Variants in ANKFN1 observed in about 807,000 individuals in gnomAD.
The protein encoded by ANKFN1 is ankyrin repeat and fibronectin type-III domain-containing protein 1.
Under a neutral mutation model 108.7 loss-of-function variants are expected in ANKFN1, and 74 were observed. The observed-to-expected ratio is 0.68, with a 90% CI of 0.56 to 0.83. The LOEUF (loss-of-function observed/expected upper bound fraction) is 0.83. ANKFN1 is among the 40% of genes least tolerant of loss of function. The probability of loss-of-function intolerance (pLI) is 0.00; values close to 1 mark genes in which losing one functional copy is unlikely to be tolerated. For synonymous variants in ANKFN1, 547 were observed against 516.2 expected (o/e 1.06, Z -0.81); for missense variants, 1,505 against 1,382.3 (o/e 1.09, Z -1.41).
intron 8 of ANKFN1, among the ~76,000 whole-genome samples, chr17:56,407,410 G>T (rs143372710): frequency 4.6e-5 from 7 of 152,280 alleles, no homozygotes; most frequent in African/African-American, 1.7e-4. Flanking sequence ...TTTTGTAGAT[G>T]AGGAAATTCA....
At chr17:56,402,175 C>T (rs1379709144) in intron 8 of ANKFN1, among the ~76,000 whole-genome samples, 1 of 151,954 alleles carries the variant, frequency 6.6e-6, no homozygotes, top group Non-Finnish European at 1.5e-5. Context: ...ATGTCCTTTC[C>T]TGGTTTGGGT....
Position 56,350,819 on chromosome 17 carries a change from C to T in ANKFN1, c.242C>T (p.Ser81Leu), listed in dbSNP as rs778713948. The change falls in exon 5 of 21, where the codon TCA (serine) becomes TTA (leucine). Residue 81 changes from serine to leucine, a missense_variant. Transcript: ENST00000682825. Reference protein sequence around the residue: ...QQMQNLHLCQSKKHSAPSSPN... With the variant: ...QQMQNLHLCQLKKHSAPSSPN... Reference sequence around the variant, plus strand: ...ATGCAAAATTTACATCTCTGTCAGTCAAAAAAACATAGTGCTCCCTCATCT... The same window carrying T: ...ATGCAAAATTTACATCTCTGTCAGTTAAAAAAACATAGTGCTCCCTCATCT... The T allele has an allele frequency of 9.9e-6, 16 of 1,613,656 alleles. No individual in the cohort carries two copies. The South Asian group carries it at 1.8e-4, about 18-fold the overall frequency.
At chr17:56,265,461 T>A (rs143820170) in intron 3 of ANKFN1, among the ~76,000 whole-genome samples, 87 of 152,298 alleles carry the variant, frequency 5.7e-4, no homozygotes, top group African/African-American at 1.9e-3. Context: ...TCCCTTGACA[T>A]GTGGGGATTA....
At chr17:56,359,915 C>A (rs2046471786) in intron 6 of ANKFN1, among the ~76,000 whole-genome samples, 1 of 152,152 alleles carries the variant, frequency 6.6e-6, no homozygotes, top group East Asian at 1.9e-4. Flanking sequence ...TCCTCAGAGT[C>A]AGTTTATGAG....
At chr17:56,386,826 G>A (rs1396547353) in intron 8 of ANKFN1, among the ~76,000 whole-genome samples, 5 of 151,680 alleles carry the variant, frequency 3.3e-5, no homozygotes, top group South Asian at 2.1e-4. Context: ...ATCCTTTATC[G>A]GATTTAAGAA....
intron 20 of ANKFN1, among the ~76,000 whole-genome samples, chr17:56,505,010 T>C (rs889545211): frequency 8.5e-5 from 13 of 152,070 alleles, no homozygotes; most frequent in African/African-American, 2.9e-4. Context: ...TTACTCCTCA[T>C]AGTACTTATT....
chr17:56,273,958 T>C (rs1024313218), intron 3 of ANKFN1, among the ~76,000 whole-genome samples: 4 of 152,316 alleles, frequency 2.6e-5, no homozygotes, highest in African/African-American at 9.6e-5. Flanking sequence ...ATTGACTTCT[T>C]CTATGTTTGC....
In ANKFN1 at chr17:56,302,707, C is replaced by G. The variant is rs72833840; in HGVS notation, c.54-23514C>G. Among the ~76,000 whole-genome samples, 3 of 152,158 alleles carry G rather than the reference C, an allele frequency of 2.0e-5. No individual in the cohort carries two copies. The South Asian group carries it at 6.2e-4, about 32-fold the overall frequency. On this transcript the variant is annotated intron_variant, in intron 3 of 20. Transcript: ENST00000682825. Reference sequence around the variant, plus strand: ...CCACAAGATAACCATGTTAATAAGACAGAGTATATATTTCTATATTTTCTA... The same window carrying G: ...CCACAAGATAACCATGTTAATAAGAGAGAGTATATATTTCTATATTTTCTA...
At chr17:56,156,656 T>G (rs1015278877) in intron 1 of ANKFN1, 4 of 152,242 alleles carry the variant, frequency 2.6e-5, no homozygotes, top group African/African-American at 9.6e-5. Flanking sequence ...GTAAGGTGAC[T>G]TGTGCCAAGT....
intron 1 of ANKFN1, among the ~76,000 whole-genome samples, chr17:56,196,326 A>G (rs886301338): frequency 1.3e-5 from 2 of 152,194 alleles, no homozygotes; most frequent in Non-Finnish European, 2.9e-5. Flanking sequence ...GTAGATATAA[A>G]GAATTATTGT....
At chr17:56,371,372 A>G (rs1323662381) in intron 6 of ANKFN1, among the ~76,000 whole-genome samples, 3 of 152,228 alleles carry the variant, frequency 2.0e-5, no homozygotes, top group Admixed American at 1.3e-4. Context: ...ATTAGTATTC[A>G]TTTCCTGTAA....
Position 56,092,776 on chromosome 17 carries a change from G to A in ANKFN1, c.288+46451G>A, listed in dbSNP as rs1347970849. 1.3e-5 allele frequency among the ~76,000 whole-genome samples: 2 copies of A among 150,854 alleles called. 1 individual carries two copies. The highest frequency in any genetic ancestry group is 4.9e-5 in the African/African-American group (2 of 41,062). ...GAGAATCTGCTTCCAAGCTCATTTT[G>A]TTGGCAGAATTCAGTTTCAAGTGGT... On this transcript the variant is annotated intron_variant, in intron 4 of 12. Transcript: ENST00000635860.
intron 19 of ANKFN1, among the ~76,000 whole-genome samples, chr17:56,496,752 A>G (rs1027527168): frequency 2.0e-5 from 3 of 152,176 alleles, no homozygotes; most frequent in Admixed American, 1.3e-4. Context: ...ATATAAAGTA[A>G]TATTTACTTC....
At chr17:56,066,798 A>G (rs1905063857) in intron 4 of ANKFN1, among the ~76,000 whole-genome samples, 1 of 152,126 alleles carries the variant, frequency 6.6e-6, no homozygotes, top group African/African-American at 2.4e-5. Context: ...ACTACTCTAC[A>G]TGCCTCATAT....
intron 4 of ANKFN1, among the ~76,000 whole-genome samples, chr17:56,101,012 T>G (rs903932044): frequency 6.6e-6 from 1 of 152,096 alleles, no homozygotes; most frequent in Non-Finnish European, 1.5e-5. Flanking sequence ...GTAATCAGAT[T>G]AGGTCATGAG....
At chr17:56,089,358 C>T (rs572361679) in intron 4 of ANKFN1, among the ~76,000 whole-genome samples, 1 of 151,368 alleles carries the variant, frequency 6.6e-6, no homozygotes, top group South Asian at 2.1e-4. Flanking sequence ...AATAATACTG[C>T]GATAAATACA....
intron 8 of ANKFN1, among the ~76,000 whole-genome samples, chr17:56,420,495 A>T (rs2048366042): frequency 6.6e-6 from 1 of 152,174 alleles, no homozygotes. Flanking sequence ...TTGCATTCTG[A>T]TATACTATCT....
intron 5 of ANKFN1, among the ~76,000 whole-genome samples, chr17:56,351,260 T>C (rs1026145985): frequency 5.3e-5 from 8 of 152,014 alleles, no homozygotes; most frequent in African/African-American, 1.9e-4. Context: ...GCTTGACAAC[T>C]ATGAAGTCTC....
At position 56,091,898 on chromosome 17, in the gene ANKFN1, A is replaced by C. The variant is rs139902416; in HGVS notation, c.288+45573A>C. On this transcript the variant is annotated intron_variant, in intron 4 of 12. Coordinates refer to the ANKFN1 transcript ENST00000635860. The stretch of plus-strand genomic sequence containing the variant: ...ACTTCATGTGTGTACATGGAGAGGG[A>C]CAGGGAGAGTATCATTTCCCCCACC... 3.2e-3 allele frequency among the ~76,000 whole-genome samples: 488 copies of C among 151,572 alleles called. 17 individuals are homozygous for C. Among genetic ancestry groups the C allele is most frequent in the African/African-American group, 0.011 (466 of 41,390 alleles).
Sources: gnomAD v4.1 joint callset for allele counts (sites outside exome capture counted in the v4.1 genomes callset) on GRCh38, gnomAD v4.1.1 for gene constraint, MANE v1.5 for transcripts, NCBI Gene and HGNC (gene_info 2026-07-23, HGNC 2026-07-21) for gene names.